The following SH3BP5 variants were observed in gnomAD, a reference collection of about 807,000 sequenced individuals.
The protein encoded by SH3BP5 is SH3 domain-binding protein 5.
Under a neutral mutation model 43.3 loss-of-function variants are expected in SH3BP5, and 22 were observed. The ratio of observed to expected loss-of-function variants is 0.51; its 90% CI spans 0.36 to 0.73. The LOEUF (loss-of-function observed/expected upper bound fraction) is 0.73. Ranked by LOEUF, SH3BP5 falls within the 30% of genes least tolerant of loss-of-function variation. The pLI, the probability that SH3BP5 is intolerant of heterozygous loss-of-function variation, is 0.00. For missense variants in SH3BP5, 529 were observed against 586.9 expected (o/e 0.90, Z 1.02); for synonymous variants, 255 against 225.8 (o/e 1.13, Z -1.16).
intron 2 of SH3BP5, among the ~76,000 whole-genome samples, chr3:15,306,291 G>A (rs1400753428): frequency 2.0e-5 from 3 of 152,126 alleles, no homozygotes; most frequent in Non-Finnish European, 2.9e-5. Flanking sequence ...CCCGGGAGGC[G>A]GAGCTTGCAG....
intron 3 of SH3BP5, among the ~76,000 whole-genome samples, chr3:15,302,573 G>A (rs897513453): frequency 1.3e-5 from 2 of 152,138 alleles, no homozygotes; most frequent in African/African-American, 4.8e-5. Context: ...TCCCAAAGCA[G>A]CAAGGGGCTC....
chr3:15,293,876 G>C (rs534151253), intron 3 of SH3BP5, among the ~76,000 whole-genome samples: 6 of 152,182 alleles, frequency 3.9e-5, no homozygotes, highest in African/African-American at 1.4e-4. Context: ...TCAGGAGTTA[G>C]AGACCAGCCT....
intron 5 of SH3BP5, among the ~76,000 whole-genome samples, chr3:15,260,975 G>C (rs929245595): frequency 2.6e-5 from 4 of 152,194 alleles, no homozygotes; most frequent in African/African-American, 7.2e-5. Context: ...GGGGTCTTTT[G>C]AGAAAAGACC....
Position 15,259,025 on chromosome 3 carries a change from A to T in SH3BP5, c.695T>A (p.Leu232Gln), listed in dbSNP as rs774575202. ...LEQLKKTVDD[L>Q]QAKLTLAKGE... ...TTTTGCCAGGGTCAGTTTGGCCTGC[A>T]GGTCATCCACAGTCTTTTTCAGTTG... The change falls in exon 7 of 9, where the codon CTG becomes CAG. Residue 232 changes from leucine (L) to glutamine (Q), a missense_variant. Leu to Gln is a moderately radical substitution (Grantham distance 113, BLOSUM62 -2). Coordinates refer to ENST00000383791, the MANE Select transcript of SH3BP5 (RefSeq NM_004844.5). The T allele has an allele frequency of 2.5e-6, 4 of 1,614,098 alleles. No individual in the cohort carries two copies. In the Admixed American group the frequency reaches 5.0e-5, roughly 20 times the overall value.
At chr3:15,266,006 C>T (rs1438320331) in intron 4 of SH3BP5, among the ~76,000 whole-genome samples, 2 of 152,228 alleles carry the variant, frequency 1.3e-5, no homozygotes, top group Non-Finnish European at 2.9e-5. Context: ...AGTAGACATC[C>T]ACCAGGCACA....
rs1697588044 is a variant in SH3BP5, at chr3:15,296,822, T to C, written c.330+7281A>G. Among the ~76,000 whole-genome samples the C allele has an allele frequency of 2.1e-5, 3 of 142,718 alleles. No homozygotes were observed. In the Admixed American group the frequency reaches 2.1e-4, roughly 10 times the overall value. The allele number at this position is 142,718 out of a possible 152,430, so 93.6% of individuals were successfully genotyped here. On this transcript the variant is annotated intron_variant, in intron 3 of 8. Transcript: ENST00000383791. ...AATCCTTCTACCTCAGCCTCCTAAGTAGCTAGGACCATAAGCAAGCACCAC... is the reference window on the plus strand; with the variant it reads ...AATCCTTCTACCTCAGCCTCCTAAGCAGCTAGGACCATAAGCAAGCACCAC...
At chr3:15,274,548 T>C (rs369724386) in intron 3 of SH3BP5, among the ~76,000 whole-genome samples, 2 of 151,970 alleles carry the variant, frequency 1.3e-5, no homozygotes, top group African/African-American at 2.4e-5. Flanking sequence ...GGCTGGAGTA[T>C]AGTGGTGCGA....
intron 2 of SH3BP5, among the ~76,000 whole-genome samples, chr3:15,304,747 A>G (rs959700020): frequency 2.7e-5 from 4 of 149,984 alleles, no homozygotes; most frequent in African/African-American, 9.9e-5. Flanking sequence ...CCCAGGAGAC[A>G]GAGCTTGTGG....
At chr3:15,295,655 C>T (rs1009308968) in intron 3 of SH3BP5, among the ~76,000 whole-genome samples, 8 of 152,078 alleles carry the variant, frequency 5.3e-5, no homozygotes, top group Non-Finnish European at 7.4e-5. Flanking sequence ...GTCAACAAAA[C>T]GACACATGCA....
chr3:15,281,867 G>T (rs576820975), intron 3 of SH3BP5, among the ~76,000 whole-genome samples: 6 of 152,086 alleles, frequency 3.9e-5, no homozygotes, highest in African/African-American at 7.2e-5. Flanking sequence ...AGCCGGGCGC[G>T]GTGGTGCATG....
At position 15,254,660 on chromosome 3, in the gene SH3BP5, G is replaced by C. The variant is rs769401565; in HGVS notation, c.*1426C>G. ...CCACTGTGTCTCCTCATTGCCCACA[G>C]CTTTAGCAACAGCAAAAGTAGAATT... is the stretch of plus-strand genomic sequence containing the variant. On this transcript the variant is annotated 3_prime_UTR_variant, in exon 9 of 9. Transcript: ENST00000383791. The C allele has an allele frequency of 6.6e-6, 1 of 152,154 alleles. No homozygotes were observed. Among genetic ancestry groups the C allele is most frequent in the Admixed American group, 6.5e-5 (1 of 15,280 alleles). The allele number at this position is 152,154 out of a possible 1,614,324, so 9.4% of individuals were successfully genotyped here.
At chr3:15,319,008 C>G (rs761347921) in intron 2 of SH3BP5, among the ~76,000 whole-genome samples, 43 of 152,210 alleles carry the variant, frequency 2.8e-4, no homozygotes, top group Non-Finnish European at 5.4e-4. Flanking sequence ...CCCAGCAAAA[C>G]CAGTGGCAGG....
chr3:15,310,698 G>C (rs1377647440), intron 2 of SH3BP5, among the ~76,000 whole-genome samples: 2 of 152,204 alleles, frequency 1.3e-5, no homozygotes, highest in African/African-American at 2.4e-5. Flanking sequence ...ATCAGCACTT[G>C]AAAGAGTTCT....
intron 2 of SH3BP5, among the ~76,000 whole-genome samples, chr3:15,304,779 C>T (rs1346648062): frequency 6.8e-6 from 1 of 146,624 alleles, no homozygotes; most frequent in Admixed American, 6.9e-5. Flanking sequence ...CATGCCACTG[C>T]ACTCCAGCCT....
In SH3BP5 at chr3:15,269,792, G is replaced by A. The variant is rs756070592; in HGVS notation, c.416C>T (p.Ala139Val). The change falls in exon 4 of 9, where the codon GCC becomes GTC. Residue 139 changes from alanine to valine, a missense_variant. Transcript: ENST00000383791. ...LRAAKETISL[A>V]EQRLLEDDKR... The stretch of plus-strand genomic sequence containing the variant: ...GTCATCCTCCAGCAGCCGCTGCTCG[G>A]CCAGGGAGATGGTCTCCTTGGCGGC... 2 of 1,611,932 alleles carry A rather than the reference G, an allele frequency of 1.2e-6. No individual in the cohort carries two copies. Among genetic ancestry groups the A allele is most frequent in the South Asian group, 1.1e-5 (1 of 90,926 alleles).
In SH3BP5 at chr3:15,257,083, C is replaced by CA; in HGVS notation, c.919dup (p.Cys307LeufsTer2). 1.2e-6 allele frequency: 2 copies of CA among 1,614,168 alleles called. No individual in the cohort carries two copies. The highest frequency in any genetic ancestry group is 1.7e-6 in the Non-Finnish European group (2 of 1,180,014). Reference sequence around the variant, plus strand: ...GTCATCTTCAGACACAAAGTTGCTACAGCTGTCATCTTCAAAGGCCTCCGA... The same window carrying CA: ...GTCATCTTCAGACACAAAGTTGCTACAAGCTGTCATCTTCAAAGGCCTCCGA... On this transcript the variant is annotated frameshift_variant, in exon 8 of 9. Coordinates refer to ENST00000383791, the MANE Select transcript of SH3BP5 (RefSeq NM_004844.5). LOFTEE classifies it high-confidence loss of function.
chr3:15,288,451 G>C (rs1221679148), intron 3 of SH3BP5, among the ~76,000 whole-genome samples: 3 of 152,196 alleles, frequency 2.0e-5, no homozygotes, highest in Non-Finnish European at 4.4e-5. Flanking sequence ...CAGGAGGCAG[G>C]AAGACCGGTT....
At chr3:15,257,633 ACT>A (rs1221436605) in intron 7 of SH3BP5, 2 of 152,842 alleles carry the variant, frequency 1.3e-5, no homozygotes, top group African/African-American at 4.8e-5. Flanking sequence ...TAAAGAACAC[ACT>A]CAAAGGCTAC....
At chr3:15,298,400 T>C (rs367925536) in intron 3 of SH3BP5, among the ~76,000 whole-genome samples, 4 of 152,322 alleles carry the variant, frequency 2.6e-5, no homozygotes, top group East Asian at 1.9e-4. Context: ...TCTCCTTTCC[T>C]AAAGGAGGTT....
Sources: allele counts gnomAD v4.1 joint callset (sites outside exome capture counted in the v4.1 genomes callset), GRCh38; gene constraint gnomAD v4.1.1; transcripts MANE v1.5; gene names NCBI Gene and HGNC (gene_info 2026-07-23, HGNC 2026-07-21).